NCKAP5: variants seen among roughly 807,000 people sequenced by gnomAD.
NCKAP5 encodes nck-associated protein 5.
A neutral mutation model predicts 167.0 loss-of-function variants in NCKAP5; 92 were observed. The ratio of observed to expected loss-of-function variants is 0.55; its 90% confidence interval spans 0.47 to 0.66. The LOEUF is 0.66. Ranked by LOEUF, NCKAP5 falls within the 30% of genes least tolerant of loss-of-function variation. NCKAP5 has a pLI of 0.00. For missense variants in NCKAP5, 2,378 were observed against 2,315.0 expected (o/e 1.03, Z -0.56); for synonymous variants, 891 against 877.4 (o/e 1.02, Z -0.27).
At chr2:133,120,996 G>C (rs1042038322) in intron 6 of NCKAP5, among the ~76,000 whole-genome samples, 2 of 152,000 alleles carry the variant, frequency 1.3e-5, no homozygotes, top group Admixed American at 6.6e-5. Flanking sequence ...AAGGTTATTG[G>C]TGATTGTATA....
intron 8 of NCKAP5, among the ~76,000 whole-genome samples, chr2:132,962,630 A>T (rs753649626): frequency 5.3e-5 from 8 of 152,018 alleles, no homozygotes; most frequent in Non-Finnish European, 7.4e-5. Flanking sequence ...TGAGTCTGTC[A>T]CCCAGGCTGG....
At chr2:133,330,074 T>TTTC (rs1682735689) in intron 3 of NCKAP5, among the ~76,000 whole-genome samples, 4 of 127,508 alleles carry the variant, frequency 3.1e-5, no homozygotes, top group Admixed American at 7.7e-5. Flanking sequence ...TTTTTTTTTT[T>TTTC]TTTTTTTTCT....
chr2:132,764,752 C>T (rs1459017444), intron 16 of NCKAP5, among the ~76,000 whole-genome samples: 2 of 152,222 alleles, frequency 1.3e-5, no homozygotes, highest in East Asian at 3.8e-4. Flanking sequence ...GCTCTTCCTG[C>T]CTACAATTAA....
intron 11 of NCKAP5, among the ~76,000 whole-genome samples, chr2:132,812,875 ATCC>A (rs1400622078): frequency 6.6e-6 from 1 of 152,166 alleles, no homozygotes; most frequent in African/African-American, 2.4e-5. Flanking sequence ...TTCTCACTGT[ATCC>A]TCAAGTGGTA....
chr2:133,624,676 T>C, the NCKAP5 span, among the ~76,000 whole-genome samples: 1 of 152,212 alleles, frequency 6.6e-6, no homozygotes, highest in Non-Finnish European at 1.5e-5. Flanking sequence ...TCACAGTTAT[T>C]GCAGTATTCA....
chr2:132,959,529 G>C (rs527599095), intron 8 of NCKAP5, among the ~76,000 whole-genome samples: 2 of 152,164 alleles, frequency 1.3e-5, no homozygotes, highest in African/African-American at 4.8e-5. Context: ...TGTGCAGTTG[G>C]TCCCTGAGTG....
chr2:133,115,842 A>ACACACACACACACG (rs555941818), intron 6 of NCKAP5, among the ~76,000 whole-genome samples: 1 of 142,468 alleles, frequency 7.0e-6, no homozygotes, highest in East Asian at 2.0e-4. Flanking sequence ...ACACACACAC[A>ACACACACACACACG]CGCCCTTCTC....
Position 132,783,756 on chromosome 2 carries a change from G to A in NCKAP5, c.3055C>T (p.Arg1019Ter), listed in dbSNP as rs1262125485. 2 of 1,592,114 alleles carry A rather than the reference G, an allele frequency of 1.3e-6. No homozygotes were observed. The highest frequency in any genetic ancestry group is 8.5e-7 in the Non-Finnish European group (1 of 1,170,142). ...CTGGAGGGGGCATGAGCAGGGCATC[G>A]GGTTTGAATGACTGCTTCTGGGGAG... ...MPSPEAVIQT[R>*]CPAHAPSSSF... Residue 1019 changes from arginine (R) to a stop codon, truncating the protein, a stop_gained, in exon 14 of 20, where the codon CGA becomes TGA. Coordinates refer to ENST00000409261, the MANE Select transcript of NCKAP5 (RefSeq NM_207363.3). LOFTEE classifies it high-confidence loss of function.
chr2:133,537,931 C>A (rs1271176774), intron 2 of NCKAP5, among the ~76,000 whole-genome samples: 1 of 152,166 alleles, frequency 6.6e-6, no homozygotes, highest in Non-Finnish European at 1.5e-5. Flanking sequence ...CATTTGCTGA[C>A]AATGCATGCA....
chr2:133,522,801 T>G (rs1684580363), intron 2 of NCKAP5, among the ~76,000 whole-genome samples: 1 of 152,218 alleles, frequency 6.6e-6, no homozygotes. Context: ...CAACCTAAAA[T>G]CTATTTACCT....
At chr2:133,370,809 A>C (rs182296499) in intron 3 of NCKAP5, among the ~76,000 whole-genome samples, 57 of 151,638 alleles carry the variant, frequency 3.8e-4, no homozygotes, top group African/African-American at 1.3e-3. Context: ...CCTATGTAAG[A>C]CTTAAAGGAT....
At chr2:133,227,363 ACCTC>A (rs1307283001) in intron 4 of NCKAP5, among the ~76,000 whole-genome samples, 1 of 152,196 alleles carries the variant, frequency 6.6e-6, no homozygotes, top group Non-Finnish European at 1.5e-5. Context: ...ATAAGATGCT[ACCTC>A]AGTGCTTTAT....
At chr2:133,038,900 A>T (rs1324645804) in intron 6 of NCKAP5, among the ~76,000 whole-genome samples, 2 of 152,308 alleles carry the variant, frequency 1.3e-5, no homozygotes, top group East Asian at 3.9e-4. Flanking sequence ...CCGCCATACA[A>T]CCCACTATAG....
At chr2:133,150,387 G>A (rs2083345754) in intron 5 of NCKAP5, among the ~76,000 whole-genome samples, 1 of 152,072 alleles carries the variant, frequency 6.6e-6, no homozygotes. Context: ...GCATCCACTG[G>A]GGGTCTGAAT....
At chr2:133,450,899 T>A (rs1436636561) in intron 3 of NCKAP5, among the ~76,000 whole-genome samples, 2 of 152,128 alleles carry the variant, frequency 1.3e-5, no homozygotes, top group African/African-American at 2.4e-5. Flanking sequence ...TTTCATATGC[T>A]AAAGCCCTAA....
chr2:132,887,365 T>TTCCATCCATCCATCCATCCATCCA (rs142512555), intron 8 of NCKAP5, among the ~76,000 whole-genome samples: 7 of 133,808 alleles, frequency 5.2e-5, no homozygotes, highest in Non-Finnish European at 1.1e-4. Flanking sequence ...CCATCCATCT[T>TTCCATCCATCCATCCATCCATCCA]TCCATCCATC....
At chr2:132,827,083 G>A (rs1687176611) in intron 11 of NCKAP5, among the ~76,000 whole-genome samples, 1 of 152,186 alleles carries the variant, frequency 6.6e-6, no homozygotes, top group African/African-American at 2.4e-5. Context: ...AATGTCATGA[G>A]TGTCTGTCAT....
intron 9 of NCKAP5, among the ~76,000 whole-genome samples, chr2:132,871,970 T>C (rs1428211369): frequency 6.6e-6 from 1 of 152,242 alleles, no homozygotes; most frequent in African/African-American, 2.4e-5. Flanking sequence ...ATGCCTGGAA[T>C]GCGTCCCTGC....
chr2:133,658,592 C>T, the NCKAP5 span, among the ~76,000 whole-genome samples: 1 of 152,120 alleles, frequency 6.6e-6, no homozygotes, highest in Non-Finnish European at 1.5e-5. Context: ...CAGGCTTGGC[C>T]AGCCAAACAC....
Sources: allele counts gnomAD v4.1 joint callset (sites outside exome capture counted in the v4.1 genomes callset), GRCh38; gene constraint gnomAD v4.1.1; transcripts MANE v1.5; gene names NCBI Gene and HGNC (gene_info 2026-07-23, HGNC 2026-07-21).